The following BCAS3 variants were observed in gnomAD, a reference collection of about 807,000 sequenced individuals.
BCAS3 encodes the protein BCAS4/BCAS3 fusion.
BCAS3 carries 53 observed loss-of-function variants against 116.1 expected under a neutral mutation model. The ratio of observed to expected loss-of-function variants is 0.46; its 90% CI spans 0.37 to 0.57. The LOEUF is 0.57. BCAS3 is among the 20% of genes least tolerant of loss of function. The probability of loss-of-function intolerance (pLI) is 0.00; values close to 1 mark genes in which losing one functional copy is unlikely to be tolerated. For missense variants in BCAS3, 917 were observed against 1,165.4 expected, an observed-to-expected ratio of 0.79 and a Z score of 3.10; for synonymous variants, 391 against 408.2, an observed-to-expected ratio of 0.96 and a Z score of 0.51.
At chr17:61,086,673 G>A in intron 22 of BCAS3, 1 of 985,296 alleles carries the variant, frequency 1.0e-6, no homozygotes, top group Non-Finnish European at 1.2e-6. Flanking sequence ...CTTCTTGGTG[G>A]CTAAGCTTTA....
chr17:60,816,279 C>CTTTTTTTTTTTTTT (rs537982584), intron 7 of BCAS3, among the ~76,000 whole-genome samples: 3 of 140,108 alleles, frequency 2.1e-5, no homozygotes, highest in African/African-American at 5.5e-5. Flanking sequence ...TTTTTCTTTT[C>CTTTTTTTTTTTTTT]TTTTTTTTTT....
At position 61,162,531 on chromosome 17, in the gene BCAS3, T is replaced by TAC. The variant is rs899830904; in HGVS notation, c.2425+77969_2425+77970dup. On this transcript the variant is annotated intron_variant, in intron 22 of 23. Transcript: ENST00000407086. The surrounding 1 kb of genome is among the most constrained non-coding windows in gnomAD (Gnocchi z 5.6). ...TCTTTTTTCCTGCTACAGTCTGTTG[T>TAC]ACAGCAGCAAGACCAAGATGATTCC... 7.2e-5 allele frequency among the ~76,000 whole-genome samples: 11 copies of TAC among 152,358 alleles called. No homozygotes were observed. Among genetic ancestry groups the TAC allele is most frequent in the African/African-American group, 2.6e-4 (11 of 41,582 alleles).
rs1486759251 is a variant in BCAS3, at chr17:61,045,863, A to C, written c.2029+4971A>C. On this transcript the variant is annotated intron_variant, in intron 19 of 23. Transcript: ENST00000407086. ...TCTCTCTCTCTCTATATATATATATATAAATATATATAAATATATATTATA... is the reference window on the plus strand; with the variant it reads ...TCTCTCTCTCTCTATATATATATATCTAAATATATATAAATATATATTATA... 1.4e-3 allele frequency among the ~76,000 whole-genome samples: 26 copies of C among 18,046 alleles called. 1 individual carries two copies. The highest frequency in any genetic ancestry group is 0.013 in the African/African-American group (13 of 966). The allele number at this position is 18,046 out of a possible 152,430, so 11.8% of individuals were successfully genotyped here. A position where few individuals can be genotyped will look rare whatever the true frequency, so the allele number is the denominator to read the frequency against.
intron 13 of BCAS3, among the ~76,000 whole-genome samples, chr17:60,942,546 G>A (rs1353236122): frequency 6.6e-6 from 1 of 151,974 alleles, no homozygotes. Flanking sequence ...TGAGAGGTAA[G>A]GTTATATATA....
chr17:61,167,492 A>G (rs891691001), intron 22 of BCAS3, among the ~76,000 whole-genome samples: 1 of 152,222 alleles, frequency 6.6e-6, no homozygotes, highest in Non-Finnish European at 1.5e-5. Flanking sequence ...TTGAGAGGGA[A>G]ATAAAATCTC....
In BCAS3 at chr17:61,387,807, G is replaced by C. The variant is rs2059932191; in HGVS notation, c.2594-4170G>C. On this transcript the variant is annotated intron_variant, in intron 23 of 23. Coordinates refer to ENST00000407086, the MANE Select transcript of BCAS3 (RefSeq NM_017679.5). The surrounding 1 kb of genome is among the most constrained non-coding windows in gnomAD (Gnocchi z 6.2). Reference sequence around the variant, plus strand: ...AGGTGAAGAACCAGAGCTAGTGGTTGCTTCGTCTTCCTTGGTTTTGCTCTC... The same window carrying C: ...AGGTGAAGAACCAGAGCTAGTGGTTCCTTCGTCTTCCTTGGTTTTGCTCTC... Among the ~76,000 whole-genome samples, 4 of 152,144 alleles carry C rather than the reference G, an allele frequency of 2.6e-5. No homozygotes were observed. The South Asian group carries it at 8.3e-4, about 32-fold the overall frequency.
chr17:60,715,289 A>G (rs193073806), intron 5 of BCAS3, among the ~76,000 whole-genome samples: 1 of 150,594 alleles, frequency 6.6e-6, no homozygotes, highest in Non-Finnish European at 1.5e-5. Flanking sequence ...GTGCGCCACC[A>G]CACTCGGCTA....
intron 19 of BCAS3, among the ~76,000 whole-genome samples, chr17:61,053,400 T>C (rs2069068883): frequency 6.6e-6 from 1 of 152,240 alleles, no homozygotes; most frequent in Admixed American, 6.5e-5. Flanking sequence ...AATGCTGATA[T>C]GTTTTGTGCA....
rs1340974933 is a variant in BCAS3, at chr17:61,378,512, G to C, written c.2593+10018G>C. ...TTGCCATTGGAAAAGGGCCGGCCCT[G>C]GTGGTCCCTTCAGCCCCTCCCTCAC... is the stretch of plus-strand genomic sequence containing the variant. On this transcript the variant is annotated intron_variant, in intron 23 of 23. Transcript: ENST00000407086. This position sits in a 1 kb window ranked among gnomAD's most constrained non-coding sequence, Gnocchi z 5.8. The C allele has an allele frequency of 3.3e-5, 5 of 152,264 alleles. No homozygotes were observed. The highest frequency in any genetic ancestry group is 3.3e-4 in the Admixed American group (5 of 15,278). The allele number at this position is 152,264 out of a possible 1,614,324, so 9.4% of individuals were successfully genotyped here.
At chr17:61,085,713 G>A (rs2073035175) in intron 22 of BCAS3, among the ~76,000 whole-genome samples, 1 of 152,156 alleles carries the variant, frequency 6.6e-6, no homozygotes, top group Admixed American at 6.5e-5. Context: ...CCCTGGAAAT[G>A]AGCATGGAAA....
chr17:60,893,061 T>C (rs1474698191), intron 10 of BCAS3, among the ~76,000 whole-genome samples: 1 of 152,218 alleles, frequency 6.6e-6, no homozygotes, highest in African/African-American at 2.4e-5. Flanking sequence ...TACATTCTTT[T>C]TGAGAAATGT....
chr17:60,753,365 G>T (rs983926193), intron 6 of BCAS3, among the ~76,000 whole-genome samples: 4 of 149,366 alleles, frequency 2.7e-5, no homozygotes, highest in African/African-American at 4.9e-5. Context: ...ATTTTATTTT[G>T]TTGTTATTTG....
At chr17:61,257,287 G>T (rs1051575155) in intron 22 of BCAS3, among the ~76,000 whole-genome samples, 1 of 152,006 alleles carries the variant, frequency 6.6e-6, no homozygotes, top group Admixed American at 6.6e-5. Context: ...GGGTGTGGTG[G>T]CCACACGCCT....
At position 60,978,476 on chromosome 17, in the gene BCAS3, T is replaced by A. The variant is rs914849397; in HGVS notation, c.1222-11495T>A. Among the ~76,000 whole-genome samples the A allele has an allele frequency of 9.7e-4, 145 of 148,764 alleles. 2 individuals are homozygous for A. The highest frequency in any genetic ancestry group is 3.8e-3 in the African/African-American group (145 of 38,332). On this transcript the variant is annotated intron_variant, in intron 14 of 23. Transcript: ENST00000407086. ...TTGCCTGTTCACTCTAATGGTAGTTTCTTTTGCTGTGCAGAAGCTCTTTAG... is the reference window on the plus strand; with the variant it reads ...TTGCCTGTTCACTCTAATGGTAGTTACTTTTGCTGTGCAGAAGCTCTTTAG...
At chr17:60,790,243 A>G (rs1464861749) in intron 6 of BCAS3, among the ~76,000 whole-genome samples, 1 of 152,210 alleles carries the variant, frequency 6.6e-6, no homozygotes, top group Non-Finnish European at 1.5e-5. Flanking sequence ...TCTTCAATTC[A>G]GGTTTGAGAA....
chr17:61,196,760 CT>C lies in BCAS3; in HGVS notation c.2425+112197del, dbSNP rs2080503640. Among the ~76,000 whole-genome samples, 1 of 152,208 alleles carries C rather than the reference CT, an allele frequency of 6.6e-6. No homozygotes were observed. The highest frequency in any genetic ancestry group is 1.5e-5 in the Non-Finnish European group (1 of 68,038). On this transcript the variant is annotated intron_variant, in intron 22 of 23. Coordinates refer to ENST00000407086, the MANE Select transcript of BCAS3 (RefSeq NM_017679.5). This position sits in a 1 kb window ranked among gnomAD's most constrained non-coding sequence, Gnocchi z 4.7. ...AGGCTTGCATTTATCGGCATTCATG[CT>C]CCGTTTTTTCTGTTTATCATAGGGT...
rs1476327071 is a variant in BCAS3, at chr17:60,770,850, T to G, written c.403+23571T>G. Among the ~76,000 whole-genome samples, 27 of 133,834 alleles carry G rather than the reference T, an allele frequency of 2.0e-4. No homozygotes were observed. The South Asian group carries it at 4.8e-3, about 24-fold the overall frequency. 87.8% of individuals were successfully genotyped at this position (133,834 alleles called of 152,430 possible). Reference sequence around the variant, plus strand: ...CTGAAATTTGTTTTTTTTTTTTTTTTTTTTTTTTTTTTTTTGAGACAGGGT... The same window carrying G: ...CTGAAATTTGTTTTTTTTTTTTTTTGTTTTTTTTTTTTTTTGAGACAGGGT... On this transcript the variant is annotated intron_variant, in intron 6 of 23. Transcript: ENST00000407086.
intron 22 of BCAS3, among the ~76,000 whole-genome samples, chr17:61,271,805 TG>T (rs1241156844): frequency 6.6e-6 from 1 of 151,918 alleles, no homozygotes; most frequent in Non-Finnish European, 1.5e-5. Context: ...TAGAACCATT[TG>T]GGGTTTTTGT....
intron 22 of BCAS3, among the ~76,000 whole-genome samples, chr17:61,328,291 G>A (rs1181608702): frequency 6.6e-6 from 1 of 152,188 alleles, no homozygotes; most frequent in Non-Finnish European, 1.5e-5. Flanking sequence ...TGTCTCTGGG[G>A]AAGTAAACAA....
Sources: allele counts gnomAD v4.1 joint callset (sites outside exome capture counted in the v4.1 genomes callset), GRCh38; gene constraint gnomAD v4.1.1; non-coding constraint Gnocchi (gnomAD v3.1); transcripts MANE v1.5; gene names NCBI Gene and HGNC (gene_info 2026-07-23, HGNC 2026-07-21).